The following PTPRQ variants were observed in gnomAD, a reference collection of about 807,000 sequenced individuals.
PTPRQ encodes the protein protein tyrosine phosphatase receptor type Q, also known as phosphatidylinositol phosphatase PTPRQ.
A neutral mutation model predicts 246.0 loss-of-function variants in PTPRQ; 199 were observed. That is an observed-to-expected ratio of 0.81 (90% CI 0.72 to 0.91). The LOEUF (loss-of-function observed/expected upper bound fraction) is 0.91. Ranked by LOEUF, PTPRQ falls within the 40% of genes least tolerant of loss-of-function variation. PTPRQ has a pLI of 0.00. For missense variants in PTPRQ, 2,624 were observed against 2,528.4 expected (o/e 1.04, Z -0.81); for synonymous variants, 869 against 853.2 (o/e 1.02, Z -0.32).
At chr12:80,508,086 T>C (rs906902799) in intron 16 of PTPRQ, among the ~76,000 whole-genome samples, 2 of 152,016 alleles carry the variant, frequency 1.3e-5, no homozygotes, top group African/African-American at 4.8e-5. Flanking sequence ...CCAAAGTATG[T>C]TGTGCATCTG....
intron 37 of PTPRQ, 115 bp from the exon 38 acceptor site, chr12:80,652,629 T>A: frequency 1.0e-6 from 1 of 1,003,336 alleles, no homozygotes; most frequent in Non-Finnish European, 1.3e-6. Flanking sequence ...TTATGATAGG[T>A]GTTTTTAATT....
intron 5 of PTPRQ, among the ~76,000 whole-genome samples, chr12:80,460,331 T>G (rs1893117478): frequency 1.3e-5 from 2 of 152,200 alleles, no homozygotes; most frequent in South Asian, 4.1e-4. Context: ...AGTAAAATTA[T>G]TTCAGCTCTT....
intron 35 of PTPRQ, among the ~76,000 whole-genome samples, chr12:80,645,313 G>C (rs1900033413): frequency 1.3e-5 from 2 of 151,930 alleles, no homozygotes; most frequent in African/African-American, 4.8e-5. Context: ...GCTTTTTGTT[G>C]ATAAATCTAT....
chr12:80,568,845 A>G (rs1374654942), intron 25 of PTPRQ, among the ~76,000 whole-genome samples: 1 of 152,222 alleles, frequency 6.6e-6, no homozygotes, highest in Non-Finnish European at 1.5e-5. Flanking sequence ...TCTGTTATTT[A>G]TGTAATGATT....
chr12:80,535,132 A>G (rs369630136), intron 19 of PTPRQ, 95 bp downstream of exon 19: 1 of 1,211,010 alleles, frequency 8.3e-7, no homozygotes, highest in Non-Finnish European at 1.1e-6. Context: ...TTTACCTTAC[A>G]TTGATAATTA....
At position 80,622,531 on chromosome 12, in the gene PTPRQ, A is replaced by T. The variant is rs74427670; in HGVS notation, c.5686+397A>T. 9.6e-3 allele frequency among the ~76,000 whole-genome samples: 1,456 copies of T among 152,122 alleles called. 31 individuals carry two copies. Among genetic ancestry groups the T allele is most frequent in the African/African-American group, 0.033 (1,354 of 41,518 alleles). ...GCTGCTAAATTTCCACAATGCACAAAACAGCCCGTAATGTCAGTGGTCCTG... is the reference window on the plus strand; with the variant it reads ...GCTGCTAAATTTCCACAATGCACAATACAGCCCGTAATGTCAGTGGTCCTG... On this transcript the variant is annotated intron_variant, in intron 33 of 44. Transcript: ENST00000644991.
intron 12 of PTPRQ, 118 bp downstream of exon 12, chr12:80,495,489 T>C (rs561209944): frequency 7.8e-6 from 10 of 1,289,080 alleles, no homozygotes; most frequent in Non-Finnish European, 9.1e-6. Context: ...TGTCACTTCA[T>C]ATTTTGTTGT....
chr12:80,544,578 C>G (rs1896249532), intron 23 of PTPRQ, among the ~76,000 whole-genome samples: 1 of 152,090 alleles, frequency 6.6e-6, no homozygotes, highest in South Asian at 2.1e-4. Context: ...CTTTTTACAT[C>G]TATTTTCTCT....
At chr12:80,506,281 A>G (rs1894958368) in intron 15 of PTPRQ, 75 bp downstream of exon 15, 2 of 1,346,494 alleles carry the variant, frequency 1.5e-6, no homozygotes, top group Non-Finnish European at 2.0e-6. Context: ...TTTAATGTTA[A>G]TAGTTTCAGA....
chr12:80,532,337 C>T (rs79121949), intron 17 of PTPRQ, among the ~76,000 whole-genome samples: 1,652 of 152,098 alleles, frequency 0.011, 61 homozygotes, highest in Admixed American at 0.065. Context: ...ATTCTCGTGC[C>T]TCAGCCTCCT....
At chr12:80,666,084 A>G (rs1316460458) in intron 39 of PTPRQ, among the ~76,000 whole-genome samples, 1 of 152,084 alleles carries the variant, frequency 6.6e-6, no homozygotes, top group East Asian at 1.9e-4. Flanking sequence ...AGGGAAGAAA[A>G]TCAGTATGTC....
intron 33 of PTPRQ, among the ~76,000 whole-genome samples, chr12:80,626,585 T>C (rs1294108981): frequency 6.6e-6 from 1 of 152,108 alleles, no homozygotes; most frequent in Non-Finnish European, 1.5e-5. Context: ...GTTTGAAGCA[T>C]TGTGTTTTTT....
intron 17 of PTPRQ, among the ~76,000 whole-genome samples, chr12:80,515,962 C>T (rs1049814770): frequency 2.0e-5 from 3 of 151,974 alleles, no homozygotes; most frequent in African/African-American, 7.2e-5. Flanking sequence ...AATGATTTTT[C>T]CTTCTGAAGT....
intron 14 of PTPRQ, among the ~76,000 whole-genome samples, chr12:80,499,125 G>A (rs905173404): frequency 1.3e-5 from 2 of 152,076 alleles, no homozygotes; most frequent in East Asian, 3.9e-4. Flanking sequence ...GTAAATTGGG[G>A]CTTGACTATA....
At chr12:80,554,892 A>G (rs975576179) in intron 25 of PTPRQ, among the ~76,000 whole-genome samples, 3 of 151,990 alleles carry the variant, frequency 2.0e-5, no homozygotes, top group Non-Finnish European at 1.5e-5. Flanking sequence ...ACATGTTTGC[A>G]CCACCATGAC....
chr12:80,678,777 A>G (rs1271589863), intron 44 of PTPRQ, 52 bp downstream of exon 44: 1 of 1,486,424 alleles, frequency 6.7e-7, no homozygotes, highest in Non-Finnish European at 8.9e-7. Context: ...CACCTACGGT[A>G]AGAACATAAA....
chr12:80,473,823 T>G (rs911822741), intron 8 of PTPRQ, among the ~76,000 whole-genome samples: 1 of 152,256 alleles, frequency 6.6e-6, no homozygotes, highest in Non-Finnish European at 1.5e-5. Context: ...CAAATCATTT[T>G]AAGTAGATGA....
chr12:80,573,787 A>G (rs967850902), intron 25 of PTPRQ, among the ~76,000 whole-genome samples: 2 of 152,154 alleles, frequency 1.3e-5, no homozygotes, highest in Non-Finnish European at 2.9e-5. Context: ...AATTTTTCCA[A>G]ATAACCAACT....
Position 80,620,246 on chromosome 12 carries a change from T to G in PTPRQ, c.5482T>G (p.Cys1828Gly). Residue 1828 changes from cysteine (C) to glycine (G), a missense_variant, in exon 32 of 45, where the codon TGT becomes GGT. Transcript: ENST00000644991. ...AAATGAAGGCTTTCCTAACCCTCCA[T>G]GTACAGAAGGAAAGACAAAGTTTAG... ...FTNEGFPNPP[C>G]TEGKTKFSGN... 3.2e-6 allele frequency: 5 copies of G among 1,549,406 alleles called. No homozygotes were observed. The highest frequency in any genetic ancestry group is 4.4e-6 in the Non-Finnish European group (5 of 1,145,420).
Sources: gnomAD v4.1 joint callset for allele counts (sites outside exome capture counted in the v4.1 genomes callset) on GRCh38, gnomAD v4.1.1 for gene constraint, MANE v1.5 for transcripts, NCBI Gene and HGNC (gene_info 2026-07-23, HGNC 2026-07-21) for gene names.